SPATA31F3: variants seen among roughly 807,000 people sequenced by gnomAD.
The protein encoded by SPATA31F3 is protein SPATA31F3.
At chr9:34,889,717 A>G in the SPATA31F3 span, 1 of 397,580 alleles carries the variant, frequency 2.5e-6, no homozygotes, top group East Asian at 3.6e-5. Flanking sequence ...TGGCCCTGCA[A>G]ATTTTGACCC....
the SPATA31F3 span, chr9:34,893,177 T>C: frequency 2.0e-6 from 1 of 502,086 alleles, no homozygotes. Flanking sequence ...ATGACAAACA[T>C]TAATGATGGA....
At chr9:34,894,476 G>A in the SPATA31F3 span, 45 of 398,474 alleles carry the variant, frequency 1.1e-4, no homozygotes, top group African/African-American at 6.2e-4. Flanking sequence ...ACAACTTCTC[G>A]GCTTCTTCCT....
the SPATA31F3 span, among the ~76,000 whole-genome samples, chr9:34,893,757 C>T: frequency 1.3e-5 from 2 of 152,114 alleles, no homozygotes; most frequent in East Asian, 3.9e-4. Flanking sequence ...TCTCTGTTGA[C>T]CTTGTTGAAA....
chr9:34,890,117 G>T, the SPATA31F3 span, among the ~76,000 whole-genome samples: 1 of 152,278 alleles, frequency 6.6e-6, no homozygotes, highest in East Asian at 1.9e-4. Flanking sequence ...AACCATCTTA[G>T]CTAAACTAAA....
chr9:34,893,095 G>C, the SPATA31F3 span: 10 of 916,554 alleles, frequency 1.1e-5, no homozygotes, highest in East Asian at 2.1e-4. Flanking sequence ...AGATTTGGCA[G>C]CAGGGGTCTG....
chr9:34,890,366 G>A, the SPATA31F3 span, among the ~76,000 whole-genome samples: 1 of 152,134 alleles, frequency 6.6e-6, no homozygotes, highest in Non-Finnish European at 1.5e-5. Context: ...CCTCACTTTT[G>A]CAAAGACCTG....
chr9:34,892,888 C>T, the SPATA31F3 span: 1 of 699,992 alleles, frequency 1.4e-6, no homozygotes, highest in South Asian at 1.5e-5. Flanking sequence ...TTAATTGTGA[C>T]AGTGTTGGAG....
At chr9:34,889,795 A>T in the SPATA31F3 span, among the ~76,000 whole-genome samples, 1 of 152,252 alleles carries the variant, frequency 6.6e-6, no homozygotes, top group Admixed American at 6.5e-5. Flanking sequence ...TCTGAAAAAA[A>T]TTTACCCCTT....
At chr9:34,894,508 A>G in the SPATA31F3 span, 2 of 398,542 alleles carry the variant, frequency 5.0e-6, no homozygotes, top group East Asian at 7.1e-5. Context: ...CTAGCTGAAG[A>G]AACAGAAGAT....
chr9:34,892,552 T>C, the SPATA31F3 span: 1 of 419,440 alleles, frequency 2.4e-6, no homozygotes, highest in Non-Finnish European at 4.2e-6. Flanking sequence ...TTTTTGGACA[T>C]TGCAATAGCA....
At chr9:34,893,118 G>T in the SPATA31F3 span, 1 of 839,034 alleles carries the variant, frequency 1.2e-6, no homozygotes, top group Non-Finnish European at 1.7e-6. Flanking sequence ...CACAGGATTC[G>T]CCGCACACTT....
chr9:34,894,113 C>A, the SPATA31F3 span, among the ~76,000 whole-genome samples: 32 of 152,138 alleles, frequency 2.1e-4, no homozygotes, highest in African/African-American at 7.7e-4. Flanking sequence ...GACTTCTTTA[C>A]GCAAAATCCA....
the SPATA31F3 span, chr9:34,893,055 A>G: frequency 4.2e-6 from 4 of 950,920 alleles, no homozygotes; most frequent in East Asian, 5.2e-5. Context: ...CCTGCCAGCA[A>G]TTGCTTAATC....
the SPATA31F3 span, chr9:34,894,501 G>C: frequency 5.0e-6 from 2 of 398,498 alleles, no homozygotes; most frequent in Non-Finnish European, 8.8e-6. Context: ...AGTTCTCCTA[G>C]CTGAAGAAAC....
the SPATA31F3 span, chr9:34,893,008 T>C: frequency 6.0e-6 from 5 of 827,640 alleles, no homozygotes; most frequent in Admixed American, 2.2e-5. Context: ...AGCCCTGTGA[T>C]GGCCCCAGTG....
chr9:34,889,241 C>T, the SPATA31F3 span: 12 of 398,490 alleles, frequency 3.0e-5, no homozygotes, highest in Non-Finnish European at 5.3e-5. Flanking sequence ...GTGAGTTAGA[C>T]CTGGGATAGA....
At chr9:34,892,139 G>T in the SPATA31F3 span, among the ~76,000 whole-genome samples, 1 of 152,198 alleles carries the variant, frequency 6.6e-6, no homozygotes, top group African/African-American at 2.4e-5. Context: ...GCACATTGAG[G>T]CCTCAGTGCA....
chr9:34,890,294 T>A, the SPATA31F3 span, among the ~76,000 whole-genome samples: 1 of 152,336 alleles, frequency 6.6e-6, no homozygotes, highest in East Asian at 1.9e-4. Context: ...GATTTCCAGC[T>A]GCTTTGAATG....
chr9:34,889,995 C>G, the SPATA31F3 span, among the ~76,000 whole-genome samples: 1 of 152,114 alleles, frequency 6.6e-6, no homozygotes, highest in Admixed American at 6.5e-5. Context: ...GGAGGATGCT[C>G]TTGGAACTCA....
Sources: gnomAD v4.1 joint callset for allele counts (sites outside exome capture counted in the v4.1 genomes callset) on GRCh38, gnomAD v4.1.1 for gene constraint, MANE v1.5 for transcripts, NCBI Gene and HGNC (gene_info 2026-07-23, HGNC 2026-07-21) for gene names.